PTPRD: variants seen among roughly 807,000 people sequenced by gnomAD.
The protein encoded by PTPRD is protein tyrosine phosphatase receptor type D.
PTPRD carries 34 observed loss-of-function variants against 214.5 expected under a neutral mutation model. That is an observed-to-expected ratio of 0.16 (90% confidence interval 0.12 to 0.21). The LOEUF (loss-of-function observed/expected upper bound fraction) is 0.21, where lower values mean the gene tolerates loss of function less well. Among genes scored for constraint, PTPRD ranks in the 10% least tolerant of loss-of-function variants. PTPRD has a pLI of 1.00. For missense variants in PTPRD, 2,545 were observed against 2,398.7 expected (o/e 1.06, Z -1.27); for synonymous variants, 1,128 against 845.7 (o/e 1.33, Z -5.79).
chr9:9,677,271 T>A (rs879785479), intron 7 of PTPRD, among the ~76,000 whole-genome samples: 1 of 152,084 alleles, frequency 6.6e-6, no homozygotes, highest in Non-Finnish European at 1.5e-5. Flanking sequence ...GGTCTAACAT[T>A]TAAGTCTTTA....
intron 4 of PTPRD, 104 bp downstream of exon 4, chr9:10,033,614 T>C (rs1015414164): frequency 6.6e-6 from 1 of 152,104 alleles, no homozygotes; most frequent in Non-Finnish European, 1.5e-5. Flanking sequence ...AGTCAAGCAA[T>C]GATGTTGACA....
intron 3 of PTPRD, among the ~76,000 whole-genome samples, chr9:10,303,979 A>T (rs2095961864): frequency 6.6e-6 from 1 of 152,194 alleles, no homozygotes; most frequent in African/African-American, 2.4e-5. Flanking sequence ...ATTTCAGGCT[A>T]ATATCCCTGA....
intron 11 of PTPRD, among the ~76,000 whole-genome samples, chr9:8,879,612 T>C (rs1023470423): frequency 2.0e-5 from 3 of 152,224 alleles, no homozygotes; most frequent in South Asian, 2.1e-4. Context: ...TTGTGAATTA[T>C]AGATTTATCA....
Position 8,717,533 on chromosome 9 carries a change from G to C in PTPRD, c.64+16247C>G, listed in dbSNP as rs185007517. ...CCTCCAACGCATCCTCCACATAGCT[G>C]CCAGTGACCTATTGAAAATTCAAGT... is the stretch of plus-strand genomic sequence containing the variant. On this transcript the variant is annotated intron_variant, in intron 12 of 45. Transcript: ENST00000381196. Among the ~76,000 whole-genome samples, 287 of 152,188 alleles carry C rather than the reference G, an allele frequency of 1.9e-3. No homozygotes were observed. In the Middle Eastern group the frequency reaches 0.024, roughly 13 times the overall value.
In PTPRD at chr9:9,759,744, A is replaced by G. The variant is rs373254419; in HGVS notation, c.-326+7066T>C. 5.2e-3 allele frequency among the ~76,000 whole-genome samples: 789 copies of G among 151,894 alleles called. 9 individuals carry two copies. Among genetic ancestry groups the G allele is most frequent in the South Asian group, 0.018 (88 of 4,806 alleles). On this transcript the variant is annotated intron_variant, in intron 6 of 45. Transcript: ENST00000381196. ...AACTAACTTTTTTTATTTTTAGTAGAGACGGGGTTTCACCATGTTGGCCAG... is the reference window on the plus strand; with the variant it reads ...AACTAACTTTTTTTATTTTTAGTAGGGACGGGGTTTCACCATGTTGGCCAG...
intron 13 of PTPRD, among the ~76,000 whole-genome samples, chr9:8,635,647 T>C (rs1018617578): frequency 4.6e-5 from 7 of 152,262 alleles, no homozygotes; most frequent in Non-Finnish European, 8.8e-5. Context: ...TTGTAGTTGC[T>C]ATATTTCTTT....
At chr9:8,537,950 T>C (rs1464794951) in intron 14 of PTPRD, among the ~76,000 whole-genome samples, 4 of 151,988 alleles carry the variant, frequency 2.6e-5, no homozygotes, top group Non-Finnish European at 5.9e-5. Context: ...CCTGAGCAAA[T>C]GATTACCCTT....
chr9:8,370,539 T>A (rs1404186155), intron 39 of PTPRD, among the ~76,000 whole-genome samples: 1 of 152,140 alleles, frequency 6.6e-6, no homozygotes, highest in Non-Finnish European at 1.5e-5. Context: ...GCTCCATGAT[T>A]GGTAGCTATT....
rs1291697456 is a variant in PTPRD at position 8,341,924 on chromosome 9, T to C, written c.4716A>G (p.Arg1572=). 6.2e-7 allele frequency: 1 copy of C among 1,613,130 alleles called. No individual in the cohort carries two copies. The highest frequency in any genetic ancestry group is 8.5e-7 in the Non-Finnish European group (1 of 1,179,606). ...TATCTACAGTTTTTTCATGCTTTAT[T>C]CTTTCTAACATGGCATCTATGACGA... ...CFIVIDAMLE[R]IKHEKTVDIY... is the part of the protein sequence containing the mutation. The change falls in exon 40 of 46, where the codon AGA becomes AGG. Residue 1572 remains arginine (R), a synonymous_variant. Transcript: ENST00000381196.
intron 14 of PTPRD, among the ~76,000 whole-genome samples, chr9:8,534,115 A>G (rs2076346926): frequency 6.6e-6 from 1 of 151,962 alleles, no homozygotes; most frequent in South Asian, 2.1e-4. Flanking sequence ...AGAATATGCA[A>G]TTTATGCTTT....
intron 12 of PTPRD, among the ~76,000 whole-genome samples, chr9:8,716,446 T>G (rs541582616): frequency 8.5e-5 from 13 of 152,242 alleles, no homozygotes; most frequent in Non-Finnish European, 1.8e-4. Flanking sequence ...AAATGTTTGC[T>G]GCCAATTCTT....
At chr9:9,267,625 T>C (rs1204332448) in intron 9 of PTPRD, among the ~76,000 whole-genome samples, 1 of 151,068 alleles carries the variant, frequency 6.6e-6, no homozygotes, top group Admixed American at 6.6e-5. Flanking sequence ...GATAAAAAAT[T>C]CTCAAAAATT....
chr9:10,499,462 G>A lies in PTPRD; in HGVS notation c.-600+112936C>T, dbSNP rs142961834. ...AAAATCTCTTACCATCAATCATACC[G>A]GACAGTTCATGTTTTCCTGAAAAAT... On this transcript the variant is annotated intron_variant, in intron 2 of 45. Transcript: ENST00000381196. 4.6e-5 allele frequency among the ~76,000 whole-genome samples: 7 copies of A among 151,544 alleles called. No homozygotes were observed. In the East Asian group the frequency reaches 5.8e-4, roughly 13 times the overall value.
rs539707210 is a variant in PTPRD, at chr9:10,558,790, G to C, written c.-600+53608C>G. On this transcript the variant is annotated intron_variant, in intron 2 of 45. Coordinates refer to ENST00000381196, the MANE Select transcript of PTPRD (RefSeq NM_002839.4). ...AATGGATTCACTCAATGAGAATTTT[G>C]TAAGCATGTAAAAACAATATTCCCT... 2.6e-5 allele frequency among the ~76,000 whole-genome samples: 4 copies of C among 152,142 alleles called. No homozygotes were observed. The East Asian group carries it at 7.7e-4, about 29-fold the overall frequency.
chr9:10,484,457 C>T (rs938314331), intron 2 of PTPRD, among the ~76,000 whole-genome samples: 2 of 152,044 alleles, frequency 1.3e-5, no homozygotes, highest in African/African-American at 4.8e-5. Context: ...TTTAAGGACC[C>T]TCCAAGCTGT....
chr9:9,182,785 T>C (rs147258959), intron 10 of PTPRD, among the ~76,000 whole-genome samples: 3 of 152,178 alleles, frequency 2.0e-5, no homozygotes, highest in Admixed American at 6.6e-5. Flanking sequence ...AACCTGTTAT[T>C]GTTTAACAAA....
At chr9:9,997,863 G>A (rs2096182580) in intron 4 of PTPRD, among the ~76,000 whole-genome samples, 1 of 151,502 alleles carries the variant, frequency 6.6e-6, no homozygotes, top group African/African-American at 2.4e-5. Flanking sequence ...CCCCCAGATA[G>A]CTCCACATGT....
chr9:8,611,247 G>A (rs1298583571), intron 14 of PTPRD, among the ~76,000 whole-genome samples: 1 of 152,170 alleles, frequency 6.6e-6, no homozygotes, highest in Admixed American at 6.5e-5. Context: ...AAATGAGCCT[G>A]ACTCTGTTCT....
intron 3 of PTPRD, among the ~76,000 whole-genome samples, chr9:10,315,494 G>T (rs2096397748): frequency 6.6e-6 from 1 of 151,658 alleles, no homozygotes; most frequent in African/African-American, 2.4e-5. Context: ...TTAATTGGGG[G>T]TTACTTTTAA....
Sources: gnomAD v4.1 joint callset for allele counts (sites outside exome capture counted in the v4.1 genomes callset) on GRCh38, gnomAD v4.1.1 for gene constraint, MANE v1.5 for transcripts, NCBI Gene and HGNC (gene_info 2026-07-23, HGNC 2026-07-21) for gene names.